PDE4D: variants seen among roughly 807,000 people sequenced by gnomAD.
PDE4D encodes the protein 3',5'-cyclic-AMP phosphodiesterase 4D.
A neutral mutation model predicts 87.4 loss-of-function variants in PDE4D; 24 were observed. The observed-to-expected ratio is 0.27, with a 90% confidence interval of 0.20 to 0.39. PDE4D has a LOEUF of 0.39. Among genes scored for constraint, PDE4D ranks in the 10% least tolerant of loss-of-function variants. The pLI is 1.00. For missense variants in PDE4D, 714 were observed against 1,041.0 expected, an observed-to-expected ratio of 0.69 and a Z score of 4.32; for synonymous variants, 384 against 383.2, an observed-to-expected ratio of 1.00 and a Z score of -0.02.
chr5:59,884,379 A>G (rs572364337), intron 1 of PDE4D, among the ~76,000 whole-genome samples: 1 of 152,160 alleles, frequency 6.6e-6, no homozygotes, highest in Admixed American at 6.5e-5. Context: ...ATATATGTAA[A>G]TATAAGCATG....
intron 1 of PDE4D, among the ~76,000 whole-genome samples, chr5:59,726,984 T>A (rs887529356): frequency 6.6e-6 from 1 of 152,050 alleles, no homozygotes; most frequent in African/African-American, 2.4e-5. Flanking sequence ...ATAAGGGAGA[T>A]ACATTCTTAT....
At chr5:59,659,664 C>T (rs1744925316) in intron 1 of PDE4D, among the ~76,000 whole-genome samples, 1 of 152,206 alleles carries the variant, frequency 6.6e-6, no homozygotes. Context: ...GCTACAGTAA[C>T]ATCTATATCA....
chr5:59,777,582 C>G (rs1480654263), intron 1 of PDE4D, among the ~76,000 whole-genome samples: 1 of 152,182 alleles, frequency 6.6e-6, no homozygotes, highest in Non-Finnish European at 1.5e-5. Context: ...ATTTCCAAAG[C>G]TCCCATGGGA....
chr5:59,179,202 G>T (rs1463611572), intron 5 of PDE4D, among the ~76,000 whole-genome samples: 1 of 152,178 alleles, frequency 6.6e-6, no homozygotes, highest in Non-Finnish European at 1.5e-5. Flanking sequence ...TGCCTCCTGG[G>T]TTCAAGCGAT....
chr5:60,096,867 C>T (rs191747495), intron 2 of PDE4D, among the ~76,000 whole-genome samples: 95 of 152,178 alleles, frequency 6.2e-4, no homozygotes, highest in Admixed American at 1.2e-3. Context: ...AAGCAAATAT[C>T]TAATTGTTTT....
chr5:59,980,925 A>G (rs962700758), intron 3 of PDE4D, among the ~76,000 whole-genome samples: 4 of 152,204 alleles, frequency 2.6e-5, no homozygotes, highest in Admixed American at 6.5e-5. Flanking sequence ...AAAGTGCTCC[A>G]TCACTCTTAG....
upstream of PDE4D, chr5:59,893,825 G>A (rs1751340181): frequency 3.0e-6 from 4 of 1,324,188 alleles, no homozygotes; most frequent in Non-Finnish European, 3.8e-6. Context: ...CACAGAACGC[G>A]GCAGGGCTCC....
intron 1 of PDE4D, among the ~76,000 whole-genome samples, chr5:59,251,656 C>T (rs1262326215): frequency 2.6e-5 from 4 of 152,108 alleles, no homozygotes; most frequent in African/African-American, 7.2e-5. Flanking sequence ...TACCGTTTGA[C>T]CATGCAATCC....
At chr5:59,340,879 G>T (rs950969998) in intron 1 of PDE4D, among the ~76,000 whole-genome samples, 1 of 152,058 alleles carries the variant, frequency 6.6e-6, no homozygotes. Context: ...TTTTGTGGCT[G>T]AATAGTACTC....
At chr5:59,556,614 G>A (rs1457281128) in intron 1 of PDE4D, among the ~76,000 whole-genome samples, 1 of 152,176 alleles carries the variant, frequency 6.6e-6, no homozygotes, top group Non-Finnish European at 1.5e-5. Flanking sequence ...TGGATGTTGT[G>A]TTCTTCTCGT....
intron 1 of PDE4D, among the ~76,000 whole-genome samples, chr5:60,192,697 G>T (rs2149524224): frequency 6.6e-6 from 1 of 152,230 alleles, no homozygotes; most frequent in Admixed American, 6.5e-5. Context: ...AAAAAGTTAT[G>T]CACAGAGAAA....
chr5:60,191,913 T>C (rs893252231), intron 1 of PDE4D, among the ~76,000 whole-genome samples: 3 of 151,946 alleles, frequency 2.0e-5, no homozygotes, highest in Non-Finnish European at 4.4e-5. Flanking sequence ...GGCAGGAGAA[T>C]CGCTTGAACT....
intron 3 of PDE4D, among the ~76,000 whole-genome samples, chr5:59,930,474 G>C (rs947883233): frequency 1.3e-5 from 2 of 152,150 alleles, no homozygotes; most frequent in Admixed American, 1.3e-4. Context: ...AGCAAGGAGA[G>C]AGGCAAGGAA....
intron 1 of PDE4D, among the ~76,000 whole-genome samples, chr5:60,279,694 T>G (rs1180673585): frequency 6.6e-5 from 10 of 151,364 alleles, no homozygotes; most frequent in African/African-American, 2.4e-4. Flanking sequence ...CTTTTTTTTT[T>G]TTTTTCTTGA....
At chr5:59,154,821 G>A (rs527983030) in intron 5 of PDE4D, among the ~76,000 whole-genome samples, 154 of 152,286 alleles carry the variant, frequency 1.0e-3, no homozygotes, top group Middle Eastern at 3.4e-3. Flanking sequence ...AGGAGGTGGA[G>A]GTTACAGTGA....
intron 5 of PDE4D, among the ~76,000 whole-genome samples, chr5:59,176,945 G>A (rs1254636033): frequency 6.6e-6 from 1 of 152,106 alleles, no homozygotes; most frequent in African/African-American, 2.4e-5. Context: ...ATCCATTTTG[G>A]CCAATTTAAG....
intron 5 of PDE4D, among the ~76,000 whole-genome samples, chr5:59,137,417 T>G (rs1184269575): frequency 6.6e-6 from 1 of 152,116 alleles, no homozygotes; most frequent in Admixed American, 6.5e-5. Context: ...AAAGAAAAAC[T>G]TCATGGTATA....
intron 1 of PDE4D, among the ~76,000 whole-genome samples, chr5:59,773,296 A>T (rs756211): frequency 0.17 from 26,600 of 152,180 alleles, 3,068 homozygotes; most frequent in South Asian, 0.26. Flanking sequence ...TGGGATTTAA[A>T]TCTGTGTCTA....
chr5:59,432,715 A>T (rs1017580589), intron 1 of PDE4D, among the ~76,000 whole-genome samples: 13 of 152,170 alleles, frequency 8.5e-5, no homozygotes, highest in African/African-American at 2.9e-4. Flanking sequence ...CGCAAAAGTA[A>T]GAACAGCCTT....
Sources: gnomAD v4.1 joint callset for allele counts (sites outside exome capture counted in the v4.1 genomes callset) on GRCh38, gnomAD v4.1.1 for gene constraint, MANE v1.5 for transcripts, NCBI Gene and HGNC (gene_info 2026-07-23, HGNC 2026-07-21) for gene names.